WWP1: variants seen among roughly 807,000 people sequenced by gnomAD.
The protein encoded by WWP1 is WW domain containing E3 ubiquitin protein ligase 1.
Under a neutral mutation model 130.6 loss-of-function variants are expected in WWP1, and 49 were observed. The ratio of observed to expected loss-of-function variants is 0.38; its 90% CI spans 0.30 to 0.48. The LOEUF (loss-of-function observed/expected upper bound fraction) is 0.48. Among genes scored for constraint, WWP1 ranks in the 20% least tolerant of loss-of-function variants. WWP1 has a pLI of 0.99. For missense variants in WWP1, 809 were observed against 1,100.6 expected (o/e 0.74, Z 3.75); for synonymous variants, 332 against 367.8 (o/e 0.90, Z 1.11).
chr8:86,351,397 A>G (rs1315460387), intron 1 of WWP1, among the ~76,000 whole-genome samples: 1 of 152,070 alleles, frequency 6.6e-6, no homozygotes, highest in Non-Finnish European at 1.5e-5. Context: ...AGAGAGCAAT[A>G]GTGTGATCAT....
chr8:86,438,035 C>T lies in WWP1; in HGVS notation c.1750-550C>T, dbSNP rs552255745. ...CAGGATGGTCTCAATCTCCTGACCT[C>T]GTGATCCACCTGCCTTGGCCTTCCA... On this transcript the variant is annotated intron_variant, in intron 16 of 24. Coordinates refer to ENST00000517970, the MANE Select transcript of WWP1 (RefSeq NM_007013.4). 3.2e-4 allele frequency among the ~76,000 whole-genome samples: 49 copies of T among 152,278 alleles called. 1 individual carries two copies. In the South Asian group the frequency reaches 4.8e-3, roughly 15 times the overall value.
At chr8:86,393,844 G>A (rs1807491112) in intron 5 of WWP1, among the ~76,000 whole-genome samples, 1 of 152,218 alleles carries the variant, frequency 6.6e-6, no homozygotes, top group Non-Finnish European at 1.5e-5. Context: ...GAGATTATCT[G>A]TGTGACCAGT....
At chr8:86,361,310 A>T (rs1216487531) in intron 1 of WWP1, among the ~76,000 whole-genome samples, 1 of 152,038 alleles carries the variant, frequency 6.6e-6, no homozygotes, top group Non-Finnish European at 1.5e-5. Flanking sequence ...CCCTTCTTTT[A>T]CCCCTGCATC....
rs116374372 is a variant in WWP1 at position 86,391,181 on chromosome 8, T to G, written c.335-7161T>G. ...TTGTTAGGGAGATTGTTCCACTTCT[T>G]CACATTTAAGCCCTAGTGAGCTTTC... On this transcript the variant is annotated intron_variant, in intron 5 of 24. Transcript: ENST00000517970. Among the ~76,000 whole-genome samples the G allele has an allele frequency of 3.8e-3, 585 of 152,314 alleles. 1 individual carries two copies. Among genetic ancestry groups the G allele is most frequent in the African/African-American group, 0.013 (540 of 41,578 alleles).
chr8:86,424,224 C>T (rs1258079529), intron 9 of WWP1, among the ~76,000 whole-genome samples: 2 of 148,322 alleles, frequency 1.3e-5, no homozygotes, highest in African/African-American at 2.5e-5. Flanking sequence ...GGGGCAGAGG[C>T]GCTCCCCACA....
intron 5 of WWP1, among the ~76,000 whole-genome samples, chr8:86,396,412 T>C (rs115543487): frequency 6.6e-6 from 1 of 151,998 alleles, no homozygotes; most frequent in Non-Finnish European, 1.5e-5. Flanking sequence ...TTTGTAGTTT[T>C]TGTGTGTGTG....
Position 86,457,926 on chromosome 8 carries a change from G to A in WWP1, c.2400G>A (p.Met800Ile). 1 of 1,613,026 alleles carries A rather than the reference G, an allele frequency of 6.2e-7. No individual in the cohort carries two copies. The highest frequency in any genetic ancestry group is 8.5e-7 in the Non-Finnish European group (1 of 1,179,234). ...ATTCTGTGCTCATTTCCCAGGTTAT[G>A]TTGTGTGGCATGCAGGAGGTTGACT... ...QYFDEKELEV[M>I]LCGMQEVDLA... Residue 800 changes from methionine to isoleucine, a missense_variant, in exon 22 of 25, where the codon ATG (methionine) becomes ATA (isoleucine). By Grantham distance (10) the Met-to-Ile change is conservative. Transcript: ENST00000517970.
intron 1 of WWP1, among the ~76,000 whole-genome samples, chr8:86,353,640 G>T (rs1277955651): frequency 6.6e-6 from 1 of 152,068 alleles, no homozygotes; most frequent in African/African-American, 2.4e-5. Flanking sequence ...TTATAGGTAC[G>T]TGACACCTGC....
chr8:86,356,230 C>T (rs945949244), intron 1 of WWP1, among the ~76,000 whole-genome samples: 6 of 152,080 alleles, frequency 3.9e-5, no homozygotes, highest in African/African-American at 1.2e-4. Flanking sequence ...AAGTCTTGGG[C>T]TTTATCATCT....
intron 20 of WWP1, among the ~76,000 whole-genome samples, chr8:86,450,329 G>A (rs12541793): frequency 0.27 from 40,998 of 151,798 alleles, 6,380 homozygotes; most frequent in East Asian, 0.54. Flanking sequence ...GTTTTGCTTT[G>A]TTCTACAGTG....
intron 13 of WWP1, 50 bp downstream of exon 13, chr8:86,431,540 A>C: frequency 1.9e-6 from 3 of 1,611,568 alleles, no homozygotes; most frequent in Non-Finnish European, 2.5e-6. Context: ...CAGTAGGTAG[A>C]ACCAACCAAC....
At chr8:86,429,650 G>C (rs1364006497) in intron 11 of WWP1, among the ~76,000 whole-genome samples, 1 of 152,154 alleles carries the variant, frequency 6.6e-6, no homozygotes, top group Non-Finnish European at 1.5e-5. Flanking sequence ...CTGGAGTTGA[G>C]TGTTAGTTTT....
intron 5 of WWP1, among the ~76,000 whole-genome samples, chr8:86,386,320 G>T (rs1407370686): frequency 6.6e-6 from 1 of 152,112 alleles, no homozygotes; most frequent in Non-Finnish European, 1.5e-5. Flanking sequence ...GAGGCAAGAG[G>T]ATCTCTTGAG....
At chr8:86,388,073 C>G (rs1343096459) in intron 5 of WWP1, among the ~76,000 whole-genome samples, 1 of 151,676 alleles carries the variant, frequency 6.6e-6, no homozygotes, top group East Asian at 1.9e-4. Flanking sequence ...ATTTAAATAG[C>G]CATACATGGC....
intron 18 of WWP1, among the ~76,000 whole-genome samples, chr8:86,447,046 A>G (rs554397152): frequency 3.9e-5 from 6 of 152,296 alleles, no homozygotes; most frequent in South Asian, 2.1e-4. Context: ...ATAGTCATCT[A>G]GGAAAGTGGG....
intron 7 of WWP1, among the ~76,000 whole-genome samples, chr8:86,401,387 C>T (rs189474426): frequency 2.8e-3 from 425 of 151,970 alleles, no homozygotes; most frequent in African/African-American, 9.7e-3. Flanking sequence ...AAGGGAGATC[C>T]AGTCTCTACA....
intron 1 of WWP1, among the ~76,000 whole-genome samples, chr8:86,359,153 AC>A (rs1216195016): frequency 6.6e-6 from 1 of 152,136 alleles, no homozygotes; most frequent in Admixed American, 6.5e-5. Flanking sequence ...TGAATAGTGA[AC>A]TTTTCTTCTG....
chr8:86,464,351 C>G (rs1030688255), intron 24 of WWP1, among the ~76,000 whole-genome samples: 5 of 152,144 alleles, frequency 3.3e-5, no homozygotes, highest in Admixed American at 1.3e-4. Flanking sequence ...CAAAATCACT[C>G]TTTCCACTAT....
intron 8 of WWP1, among the ~76,000 whole-genome samples, chr8:86,403,011 A>G (rs1808083609): frequency 6.6e-6 from 1 of 152,232 alleles, no homozygotes; most frequent in South Asian, 2.1e-4. Context: ...TGCCTAAGGA[A>G]GATGTCCTCT....
Sources: allele counts gnomAD v4.1 joint callset (sites outside exome capture counted in the v4.1 genomes callset), GRCh38; gene constraint gnomAD v4.1.1; transcripts MANE v1.5; gene names NCBI Gene and HGNC (gene_info 2026-07-23, HGNC 2026-07-21).